Variants in SYNGR1 observed in about 807,000 individuals in gnomAD.
SYNGR1 encodes synaptogyrin-1.
SYNGR1 carries 14 observed loss-of-function variants against 26.1 expected under a neutral mutation model. The ratio of observed to expected loss-of-function variants is 0.54; its 90% CI spans 0.35 to 0.84. SYNGR1 has a LOEUF of 0.84. SYNGR1 is among the 40% of genes least tolerant of loss of function. The pLI, the probability that SYNGR1 is intolerant of heterozygous loss-of-function variation, is 0.01. For missense variants in SYNGR1, 319 were observed against 332.9 expected, an observed-to-expected ratio of 0.96 and a Z score of 0.33; for synonymous variants, 141 against 150.1, an observed-to-expected ratio of 0.94 and a Z score of 0.44.
chr22:39,384,089 G>T lies in SYNGR1; in HGVS notation c.*2175G>T. 1 of 156,760 alleles carries T rather than the reference G, an allele frequency of 6.4e-6. No individual in the cohort carries two copies. Among genetic ancestry groups the T allele is most frequent in the Non-Finnish European group, 1.4e-5 (1 of 71,184 alleles). 9.7% of individuals were successfully genotyped at this position (156,760 alleles called of 1,614,324 possible). On this transcript the variant is annotated 3_prime_UTR_variant, in exon 4 of 4. Transcript: ENST00000328933. ...GAAACCTGTACCAGGCCAAAGGTGA[G>T]GGCGTGAGTGAGGGCAGGAGTGTTT... is the stretch of plus-strand genomic sequence containing the variant.
At chr22:39,380,898 A>G (rs74736150) in intron 3 of SYNGR1, among the ~76,000 whole-genome samples, 1,856 of 152,114 alleles carry the variant, frequency 0.012, 48 homozygotes, top group African/African-American at 0.043. Context: ...TGGGATTGCA[A>G]GCATGAGTTG....
intron 2 of SYNGR1, chr22:39,375,575 G>T (rs1322737887): frequency 1.8e-5 from 6 of 330,972 alleles, no homozygotes; most frequent in Non-Finnish European, 3.3e-5. Flanking sequence ...CCTTGCCCCA[G>T]CCTCGTCCTC....
intron 3 of SYNGR1, chr22:39,377,910 C>G: frequency 1.4e-6 from 2 of 1,400,974 alleles, no homozygotes; most frequent in African/African-American, 1.4e-5. Flanking sequence ...ATTTATTGAG[C>G]AGCTGTTTTG....
chr22:39,364,417 G>C (rs536347065), intron 1 of SYNGR1: 71 of 1,517,294 alleles, frequency 4.7e-5, no homozygotes, highest in Non-Finnish European at 6.4e-5. Context: ...AGATTTTTAT[G>C]GGGATTAAAA....
At chr22:39,357,933 C>T (rs1233770045) in intron 1 of SYNGR1, among the ~76,000 whole-genome samples, 1 of 152,264 alleles carries the variant, frequency 6.6e-6, no homozygotes, top group Non-Finnish European at 1.5e-5. Context: ...AGCACCACCC[C>T]CTGCTCCACG....
chr22:39,381,897 C>A lies in SYNGR1; in HGVS notation c.685C>A (p.Gln229Lys). 1 of 1,612,060 alleles carries A rather than the reference C, an allele frequency of 6.2e-7. No homozygotes were observed. The highest frequency in any genetic ancestry group is 8.5e-7 in the Non-Finnish European group (1 of 1,179,560). ...CTTCGACACCGAGCCCCAGGGCTAC[C>A]AGTCGCAGGGCTACTGAGCCACAGT... ...NTFDTEPQGY[Q>K]SQGY Residue 229 changes from glutamine to lysine, a missense_variant, in exon 4 of 4, where the codon CAG becomes AAG. Transcript: ENST00000328933.
rs559994155 is a variant in SYNGR1 at position 39,350,489 on chromosome 22, G to A, written c.99+380G>A. On this transcript the variant is annotated intron_variant, in intron 1 of 3. Transcript: ENST00000328933. This position sits in a 1 kb window ranked among gnomAD's most constrained non-coding sequence, Gnocchi z 4.3. ...CCGTGGGGACGGAGCCAGGGTTTAA[G>A]GTGGCCTTTTTTGGGGGGTGGATCA... is the stretch of plus-strand genomic sequence containing the variant. Among the ~76,000 whole-genome samples, 3 of 152,314 alleles carry A rather than the reference G, an allele frequency of 2.0e-5. No homozygotes were observed. In the South Asian group the frequency reaches 6.2e-4, roughly 32 times the overall value.
chr22:39,377,052 A>G (rs924656427), intron 3 of SYNGR1: 48 of 1,550,806 alleles, frequency 3.1e-5, no homozygotes, highest in Non-Finnish European at 3.9e-5. Flanking sequence ...CCCCATCCCA[A>G]GAGCCCTCCC....
Position 39,350,175 on chromosome 22 carries a change from G to C in SYNGR1, c.99+66G>C, listed in dbSNP as rs1302773401. The C allele has an allele frequency of 1.6e-5, 19 of 1,174,104 alleles. No homozygotes were observed. Among genetic ancestry groups the C allele is most frequent in the Non-Finnish European group, 2.1e-5 (19 of 919,304 alleles). The allele number at this position is 1,174,104 out of a possible 1,614,324, so 72.7% of individuals were successfully genotyped here. ...GTGGGGGTGTGAGCAAAGGCGGCGC[G>C]CCCGGACCGACCCCGACCCCGACCC... On this transcript the variant is annotated intron_variant, in intron 1 of 3. Coordinates refer to ENST00000328933, the MANE Select transcript of SYNGR1 (RefSeq NM_004711.5). This position sits in a 1 kb window ranked among gnomAD's most constrained non-coding sequence, Gnocchi z 4.3.
intron 2 of SYNGR1, 86 bp downstream of exon 2, chr22:39,374,639 A>C: frequency 2.9e-6 from 4 of 1,378,294 alleles, no homozygotes; most frequent in Non-Finnish European, 4.1e-6. Context: ...CCTTCTTCCC[A>C]TGTTTCAGAT....
At position 39,382,135 on chromosome 22, in the gene SYNGR1, G is replaced by T. The variant is rs1399244670; in HGVS notation, c.*221G>T. 1.8e-5 allele frequency: 11 copies of T among 609,460 alleles called. No homozygotes were observed. The highest frequency in any genetic ancestry group is 2.9e-6 in the Non-Finnish European group (1 of 343,948). The allele number at this position is 609,460 out of a possible 1,614,324, so 37.8% of individuals were successfully genotyped here. A position where few individuals can be genotyped will look rare whatever the true frequency, so the allele number is the denominator to read the frequency against. On this transcript the variant is annotated 3_prime_UTR_variant, in exon 4 of 4. Coordinates refer to ENST00000328933, the MANE Select transcript of SYNGR1 (RefSeq NM_004711.5). ...GGCATGTGCCCCGCAGGGGCCTAGA[G>T]GGTGGGGGCCAGGGGTATTTGCATT...
chr22:39,376,353 T>C (rs1035277244), intron 3 of SYNGR1, 156 bp downstream of exon 3: 1 of 1,292,832 alleles, frequency 7.7e-7, no homozygotes, highest in African/African-American at 1.5e-5. Context: ...GCGCTCACAG[T>C]GGTGCTGCCT....
chr22:39,374,842 C>T (rs890103144), intron 2 of SYNGR1: 18 of 496,000 alleles, frequency 3.6e-5, no homozygotes, highest in African/African-American at 2.5e-4. Flanking sequence ...TGCCAGCCCC[C>T]ATGGGTTGGC....
In SYNGR1 at chr22:39,381,939, C is replaced by A; in HGVS notation, c.*25C>A. 1 of 1,574,780 alleles carries A rather than the reference C, an allele frequency of 6.4e-7. No individual in the cohort carries two copies. Among genetic ancestry groups the A allele is most frequent in the Non-Finnish European group, 8.6e-7 (1 of 1,161,510 alleles). On this transcript the variant is annotated 3_prime_UTR_variant, in exon 4 of 4. Coordinates refer to ENST00000328933, the MANE Select transcript of SYNGR1 (RefSeq NM_004711.5). ...AGCCACAGTGACCGCCTGCCCCCGC[C>A]CCTCCCCATCTGTCCCCTCTCTCCA... is the stretch of plus-strand genomic sequence containing the variant.
At chr22:39,375,752 T>G in intron 2 of SYNGR1, 1 of 601,048 alleles carries the variant, frequency 1.7e-6, no homozygotes, top group Non-Finnish European at 3.0e-6. Flanking sequence ...CTTCTTTCTC[T>G]GTCTCTCCCT....
rs1212281921 is a variant in SYNGR1, at chr22:39,376,054, T to C, written c.340T>C (p.Phe114Leu). 6.2e-7 allele frequency: 1 copy of C among 1,614,196 alleles called. No homozygotes were observed. The highest frequency in any genetic ancestry group is 2.2e-5 in the East Asian group (1 of 44,878). The change falls in exon 3 of 4, where the codon TTC (phenylalanine) becomes CTC (leucine). Residue 114 changes from phenylalanine to leucine, a missense_variant and splice_region_variant. Phe to Leu is a conservative substitution (Grantham distance 22). Transcript: ENST00000328933. ...TGCCCGGTCCTGGGACCCCCCAGCC[T>C]TCTGGGCTTTCCTCTGGTTCGTGGG... is the stretch of plus-strand genomic sequence containing the variant. The part of the protein sequence containing the change: ...AVLSDIGVSA[F>L]WAFLWFVGFC...
chr22:39,379,381 C>G (rs1432569114), intron 3 of SYNGR1, among the ~76,000 whole-genome samples: 3 of 152,216 alleles, frequency 2.0e-5, no homozygotes, highest in Non-Finnish European at 4.4e-5. Context: ...TGCCTGTGAT[C>G]CCAGCACTTT....
chr22:39,359,457 TAA>T lies in SYNGR1; in HGVS notation c.99+9361_99+9362del, dbSNP rs34838867. 2.9e-3 allele frequency among the ~76,000 whole-genome samples: 423 copies of T among 143,996 alleles called. 1 individual carries two copies. The highest frequency in any genetic ancestry group is 4.1e-3 in the Admixed American group (60 of 14,522). 94.5% of individuals were successfully genotyped at this position (143,996 alleles called of 152,430 possible). A position where few individuals can be genotyped will look rare whatever the true frequency, so the allele number is the denominator to read the frequency against. Reference sequence around the variant, plus strand: ...TGAGACAGTGAAACCCCGTCTCTACTAAAAAAAAAAAAAATACAAAAAAATTA... The same window carrying T: ...TGAGACAGTGAAACCCCGTCTCTACTAAAAAAAAAAAATACAAAAAAATTA... On this transcript the variant is annotated intron_variant, in intron 1 of 3. Coordinates refer to ENST00000328933, the MANE Select transcript of SYNGR1 (RefSeq NM_004711.5).
intron 3 of SYNGR1, 151 bp downstream of exon 3, chr22:39,376,348 C>T (rs1226773190): frequency 3.0e-6 from 4 of 1,332,056 alleles, no homozygotes. Flanking sequence ...CTGCGGCGCT[C>T]ACAGTGGTGC....
Sources: allele counts gnomAD v4.1 joint callset (sites outside exome capture counted in the v4.1 genomes callset), GRCh38; gene constraint gnomAD v4.1.1; non-coding constraint Gnocchi (gnomAD v3.1); transcripts MANE v1.5; gene names NCBI Gene and HGNC (gene_info 2026-07-23, HGNC 2026-07-21).